Variants in CADM2 observed in about 807,000 individuals in gnomAD.
The protein encoded by CADM2 is immunoglobulin superfamily member 4D.
CADM2 carries 12 observed loss-of-function variants against 49.8 expected under a neutral mutation model. The observed-to-expected ratio is 0.24, with a 90% CI of 0.15 to 0.39. The LOEUF is 0.39. Ranked by LOEUF, CADM2 falls within the 10% of genes least tolerant of loss-of-function variation. The probability of loss-of-function intolerance (pLI) is 1.00; values close to 1 mark genes in which losing one functional copy is unlikely to be tolerated. For synonymous variants in CADM2, 214 were observed against 175.4 expected (o/e 1.22, Z -1.74); for missense variants, 378 against 492.3 (o/e 0.77, Z 2.20).
At position 85,924,592 on chromosome 3, in the gene CADM2, AAAATAAAT is replaced by A. The variant is rs56769723; in HGVS notation, c.701-11148_701-11141del. On this transcript the variant is annotated intron_variant, in intron 6 of 9. Transcript: ENST00000383699. ...GGGTGACAAAATGAAACAACATCTA[AAAATAAAT>A]AAATAAATAAATAAATAAATAAATA... 7.0e-4 allele frequency among the ~76,000 whole-genome samples: 103 copies of A among 146,292 alleles called. 1 individual carries two copies. The highest frequency in any genetic ancestry group is 1.3e-3 in the South Asian group (6 of 4,570).
chr3:85,062,637 A>G (rs1048697862), intron 1 of CADM2, among the ~76,000 whole-genome samples: 2 of 151,840 alleles, frequency 1.3e-5, no homozygotes, highest in African/African-American at 2.4e-5. Flanking sequence ...TGACTTATCA[A>G]TATAAGGGGT....
intron 1 of CADM2, among the ~76,000 whole-genome samples, chr3:85,354,643 A>AG (rs71108278): frequency 1.1e-4 from 16 of 149,224 alleles, no homozygotes; most frequent in African/African-American, 1.5e-4. Context: ...AGAGAGAGAG[A>AG]AGCCTATTCT....
chr3:85,743,781 G>A (rs773492799), intron 2 of CADM2, among the ~76,000 whole-genome samples: 1 of 152,096 alleles, frequency 6.6e-6, no homozygotes, highest in Non-Finnish European at 1.5e-5. Flanking sequence ...CCTCAAAAGA[G>A]ATTCTAAAGT....
chr3:85,245,948 G>T (rs1236072845), intron 1 of CADM2, among the ~76,000 whole-genome samples: 1 of 152,066 alleles, frequency 6.6e-6, no homozygotes, highest in Non-Finnish European at 1.5e-5. Context: ...GGTAACTAAA[G>T]AACTAAAAAC....
chr3:85,417,593 C>A (rs2035971497), intron 1 of CADM2, among the ~76,000 whole-genome samples: 1 of 152,170 alleles, frequency 6.6e-6, no homozygotes, highest in African/African-American at 2.4e-5. Context: ...TATCACATAG[C>A]TGTTTAATTA....
chr3:85,008,786 T>G (rs1431130431), intron 1 of CADM2, among the ~76,000 whole-genome samples: 1 of 152,124 alleles, frequency 6.6e-6, no homozygotes, highest in Non-Finnish European at 1.5e-5. Flanking sequence ...TGGCATGTCA[T>G]GTTTTAGTTA....
At chr3:85,558,740 G>T (rs757233886) in intron 1 of CADM2, among the ~76,000 whole-genome samples, 16 of 151,998 alleles carry the variant, frequency 1.1e-4, no homozygotes, top group Non-Finnish European at 2.4e-4. Context: ...CCAATATTTA[G>T]TATGTATGAA....
At chr3:85,158,458 T>C (rs913574448) in intron 1 of CADM2, among the ~76,000 whole-genome samples, 9 of 152,178 alleles carry the variant, frequency 5.9e-5, no homozygotes, top group Non-Finnish European at 1.3e-4. Context: ...CCAACAATGA[T>C]AGACTGGATT....
intron 3 of CADM2, among the ~76,000 whole-genome samples, chr3:85,847,987 C>T (rs2074950310): frequency 6.6e-6 from 1 of 151,930 alleles, no homozygotes; most frequent in Non-Finnish European, 1.5e-5. Context: ...ATAACTGCCA[C>T]CTTGTTTAAT....
At position 85,525,463 on chromosome 3, in the gene CADM2, C is replaced by T. The variant is rs779548480; in HGVS notation, c.62-201059C>T. Among the ~76,000 whole-genome samples, 7 of 152,188 alleles carry T rather than the reference C, an allele frequency of 4.6e-5. No individual in the cohort carries two copies. In the South Asian group the frequency reaches 6.2e-4, roughly 14 times the overall value. On this transcript the variant is annotated intron_variant, in intron 1 of 9. Transcript: ENST00000383699. ...CATATGTCCTCAGGTTATTCTTGGT[C>T]GTGACTATTTCCAGCTTTCTTCTAT...
At chr3:84,962,223 G>T (rs2030598392) in intron 1 of CADM2, among the ~76,000 whole-genome samples, 1 of 151,164 alleles carries the variant, frequency 6.6e-6, no homozygotes, top group African/African-American at 2.4e-5. Context: ...GTGGACTTAG[G>T]AGCATCTTAG....
chr3:85,185,298 C>A (rs2041032077), intron 1 of CADM2, among the ~76,000 whole-genome samples: 1 of 150,418 alleles, frequency 6.6e-6, no homozygotes, highest in Non-Finnish European at 1.5e-5. Flanking sequence ...TGGCATCTAA[C>A]TACTCTTTCT....
rs898047037 is a variant in CADM2 at position 85,177,324 on chromosome 3, G to GT, written c.61+217663dup. 5.7e-4 allele frequency among the ~76,000 whole-genome samples: 87 copies of GT among 151,938 alleles called. No individual in the cohort carries two copies. The Middle Eastern group carries it at 0.01, about 18-fold the overall frequency. On this transcript the variant is annotated intron_variant, in intron 1 of 9. Coordinates refer to ENST00000383699, the MANE Select transcript of CADM2 (RefSeq NM_001167675.2). ...CAAGATATTTTGTGTTAGTATGTGT[G>GT]TTTTTTTCCTCCAGTGGGGAGTCAA...
chr3:85,266,570 T>A (rs1475324346), intron 1 of CADM2, among the ~76,000 whole-genome samples: 1 of 50,196 alleles, frequency 2.0e-5, no homozygotes, highest in Non-Finnish European at 5.2e-5. Flanking sequence ...AATGATAAGG[T>A]GATAATGAAG....
Position 85,304,210 on chromosome 3 carries a change from G to C in CADM2, c.61+344542G>C, listed in dbSNP as rs138884441. On this transcript the variant is annotated intron_variant, in intron 1 of 9. Transcript: ENST00000383699. ...TGAAGTCCAGAGATTTGTGATTGTCGATAGTTAAATGAGCATGTCAAAGTG... is the reference window on the plus strand; with the variant it reads ...TGAAGTCCAGAGATTTGTGATTGTCCATAGTTAAATGAGCATGTCAAAGTG... Among the ~76,000 whole-genome samples the C allele has an allele frequency of 4.7e-4, 72 of 151,834 alleles. No individual in the cohort carries two copies. In the South Asian group the frequency reaches 7.7e-3, roughly 16 times the overall value.
chr3:85,810,043 A>G (rs1045371602), intron 3 of CADM2, among the ~76,000 whole-genome samples: 5 of 152,070 alleles, frequency 3.3e-5, no homozygotes, highest in Admixed American at 2.6e-4. Flanking sequence ...AGGCATAATT[A>G]AGGAAACTAG....
At position 86,068,636 on chromosome 3, in the gene CADM2, A is replaced by G. The variant is rs1048599236; in HGVS notation, c.*1853A>G. 10 of 152,220 alleles carry G rather than the reference A, an allele frequency of 6.6e-5. No individual in the cohort carries two copies. Among genetic ancestry groups the G allele is most frequent in the African/African-American group, 2.2e-4 (9 of 41,340 alleles). 9.4% of individuals were successfully genotyped at this position (152,220 alleles called of 1,614,324 possible). ...CTTTTAAGGAAAATGTTAGAATTTT[A>G]AAGTTTTTTTTTGATTGTTGAAGCA... On this transcript the variant is annotated 3_prime_UTR_variant, in exon 10 of 10. Coordinates refer to ENST00000383699, the MANE Select transcript of CADM2 (RefSeq NM_001167675.2).
intron 1 of CADM2, among the ~76,000 whole-genome samples, chr3:85,262,404 A>G (rs1401965647): frequency 6.6e-6 from 1 of 152,126 alleles, no homozygotes; most frequent in Non-Finnish European, 1.5e-5. Context: ...GACAAAAGCA[A>G]GGACAGATGA....
intron 3 of CADM2, among the ~76,000 whole-genome samples, chr3:85,823,572 G>A (rs1283732691): frequency 1.3e-5 from 2 of 152,176 alleles, no homozygotes; most frequent in African/African-American, 4.8e-5. Flanking sequence ...GCACTGTTAT[G>A]TGGAAAGTAG....
Sources: allele counts gnomAD v4.1 joint callset (sites outside exome capture counted in the v4.1 genomes callset), GRCh38; gene constraint gnomAD v4.1.1; transcripts MANE v1.5; gene names NCBI Gene and HGNC (gene_info 2026-07-23, HGNC 2026-07-21).